PPFIA2: variants seen among roughly 807,000 people sequenced by gnomAD.
PPFIA2 encodes PPFI scaffold protein A2.
In PPFIA2, 46 loss-of-function variants were observed where a neutral mutation model predicts 175.5. The ratio of observed to expected loss-of-function variants is 0.26; its 90% CI spans 0.21 to 0.34. The LOEUF (loss-of-function observed/expected upper bound fraction) is 0.34. PPFIA2 is among the 10% of genes least tolerant of loss of function. The probability of loss-of-function intolerance (pLI) is 1.00; values close to 1 mark genes in which losing one functional copy is unlikely to be tolerated. For missense variants in PPFIA2, 1,179 were observed against 1,506.1 expected, an observed-to-expected ratio of 0.78 and a Z score of 3.60; for synonymous variants, 568 against 511.4, an observed-to-expected ratio of 1.11 and a Z score of -1.49.
intron 3 of PPFIA2, chr12:81,687,344 A>G (rs1008259377): frequency 1.3e-5 from 2 of 152,002 alleles, no homozygotes. Flanking sequence ...GCACTTCCTT[A>G]TTGTGACAAG....
Position 81,522,798 on chromosome 12 carries a change from T to C in PPFIA2, c.304-64932A>G, listed in dbSNP as rs78142896. Among the ~76,000 whole-genome samples, 463 of 152,320 alleles carry C rather than the reference T, an allele frequency of 3.0e-3. 6 individuals are homozygous for C. The highest frequency in any genetic ancestry group is 0.029 in the East Asian group (152 of 5,182). ...CTTGCTTTGACTGCAAAAACTTTAT[T>C]TAGAGTGCATCACTGTCCTATGATC... On this transcript the variant is annotated intron_variant, in intron 4 of 32. Transcript: ENST00000549396.
chr12:81,278,389 A>C (rs2041129689), intron 27 of PPFIA2, among the ~76,000 whole-genome samples: 1 of 151,930 alleles, frequency 6.6e-6, no homozygotes, highest in African/African-American at 2.4e-5. Flanking sequence ...AAAAGTACAA[A>C]AATTAGCTGG....
chr12:81,752,085 G>A (rs1348002573), intron 3 of PPFIA2, among the ~76,000 whole-genome samples: 1 of 152,184 alleles, frequency 6.6e-6, no homozygotes, highest in Non-Finnish European at 1.5e-5. Flanking sequence ...CTTCCAAGAA[G>A]AGTGGAAGGG....
At chr12:81,628,375 C>CTT (rs1194281160) in intron 4 of PPFIA2, among the ~76,000 whole-genome samples, 2 of 127,434 alleles carry the variant, frequency 1.6e-5, no homozygotes, top group African/African-American at 5.4e-5. Context: ...CTTTCTTTTA[C>CTT]CTTTTTTTTT....
intron 4 of PPFIA2, among the ~76,000 whole-genome samples, chr12:81,551,657 C>T (rs1255771395): frequency 6.6e-6 from 1 of 151,876 alleles, no homozygotes; most frequent in African/African-American, 2.4e-5. Context: ...GTAATCTATT[C>T]TTGAAATCTT....
At position 81,278,531 on chromosome 12, in the gene PPFIA2, C is replaced by T. The variant is rs537327371; in HGVS notation, c.3213-1117G>A. On this transcript the variant is annotated intron_variant, in intron 27 of 32. Coordinates refer to ENST00000549396, the MANE Select transcript of PPFIA2 (RefSeq NM_003625.5). Reference sequence around the variant, plus strand: ...CTCCACCCTGGGCAACAGAGTGAGACTCCATCTCCAAAAAAAAAAAAAAAG... The same window carrying T: ...CTCCACCCTGGGCAACAGAGTGAGATTCCATCTCCAAAAAAAAAAAAAAAG... 5.8e-5 allele frequency among the ~76,000 whole-genome samples: 6 copies of T among 104,276 alleles called. No homozygotes were observed. In the South Asian group the frequency reaches 2.0e-3, roughly 34 times the overall value. 68.4% of individuals were successfully genotyped at this position (104,276 alleles called of 152,430 possible). A position where few individuals can be genotyped will look rare whatever the true frequency, so the allele number is the denominator to read the frequency against.
At chr12:81,524,040 G>A (rs964755463) in intron 4 of PPFIA2, among the ~76,000 whole-genome samples, 2 of 152,124 alleles carry the variant, frequency 1.3e-5, no homozygotes, top group Non-Finnish European at 2.9e-5. Flanking sequence ...CACATTGTAT[G>A]ATGCCTCTGC....
At chr12:81,376,740 C>T (rs1187912494) in intron 9 of PPFIA2, among the ~76,000 whole-genome samples, 2 of 152,088 alleles carry the variant, frequency 1.3e-5, no homozygotes, top group Non-Finnish European at 2.9e-5. Flanking sequence ...AGAAGTGAGG[C>T]TCATTGGCCT....
intron 4 of PPFIA2, among the ~76,000 whole-genome samples, chr12:81,628,332 G>C (rs957163059): frequency 6.7e-6 from 1 of 149,208 alleles, no homozygotes; most frequent in East Asian, 2.0e-4. Context: ...AAAGAAGTTT[G>C]AGCCACATGA....
At chr12:81,483,915 T>G (rs1014248036) in intron 4 of PPFIA2, among the ~76,000 whole-genome samples, 1 of 151,976 alleles carries the variant, frequency 6.6e-6, no homozygotes, top group Non-Finnish European at 1.5e-5. Context: ...TTCTCCCCCC[T>G]CCCTTTTTTT....
intron 4 of PPFIA2, among the ~76,000 whole-genome samples, chr12:81,478,000 G>GTACC (rs2146546170): frequency 6.6e-6 from 1 of 152,106 alleles, no homozygotes; most frequent in Non-Finnish European, 1.5e-5. Context: ...GCTCCTCTTT[G>GTACC]TACCTCTGGT....
At chr12:81,264,520 A>G (rs1416468339) in intron 30 of PPFIA2, among the ~76,000 whole-genome samples, 1 of 152,066 alleles carries the variant, frequency 6.6e-6, no homozygotes, top group African/African-American at 2.4e-5. Context: ...GTATCCTAAT[A>G]TCTCATTTGA....
intron 4 of PPFIA2, among the ~76,000 whole-genome samples, chr12:81,624,427 T>C (rs915244455): frequency 1.4e-5 from 2 of 147,182 alleles, no homozygotes; most frequent in Non-Finnish European, 3.0e-5. Context: ...TATATACTTA[T>C]TATATACATA....
At chr12:81,650,510 T>G (rs573341098) in intron 4 of PPFIA2, among the ~76,000 whole-genome samples, 4 of 152,234 alleles carry the variant, frequency 2.6e-5, no homozygotes, top group African/African-American at 9.6e-5. Flanking sequence ...AAATCTACCA[T>G]GTATAGACTT....
intron 3 of PPFIA2, among the ~76,000 whole-genome samples, chr12:81,727,194 C>T (rs1038534822): frequency 6.6e-6 from 1 of 151,206 alleles, no homozygotes; most frequent in Non-Finnish European, 1.5e-5. Context: ...CATATCAAAT[C>T]AAAATAATGC....
intron 8 of PPFIA2, among the ~76,000 whole-genome samples, chr12:81,390,614 A>G (rs1380922966): frequency 1.3e-5 from 2 of 151,932 alleles, no homozygotes; most frequent in African/African-American, 4.8e-5. Flanking sequence ...CTTCATATTA[A>G]TTGATTTACA....
chr12:81,360,210 CAG>C (rs908214534), intron 15 of PPFIA2, among the ~76,000 whole-genome samples: 4 of 151,796 alleles, frequency 2.6e-5, no homozygotes, highest in Non-Finnish European at 5.9e-5. Context: ...CAGGAGAAAA[CAG>C]AGGCAATATT....
At chr12:81,723,038 C>T (rs914569472) in intron 3 of PPFIA2, among the ~76,000 whole-genome samples, 1 of 150,996 alleles carries the variant, frequency 6.6e-6, no homozygotes, top group Non-Finnish European at 1.5e-5. Flanking sequence ...AATTTAACCT[C>T]CTATGATCTG....
At chr12:81,658,975 T>C (rs188186977) in intron 4 of PPFIA2, among the ~76,000 whole-genome samples, 1 of 152,312 alleles carries the variant, frequency 6.6e-6, no homozygotes, top group African/African-American at 2.4e-5. Context: ...TATTAATATT[T>C]ATTTTGCATA....
Sources: gnomAD v4.1 joint callset for allele counts (sites outside exome capture counted in the v4.1 genomes callset) on GRCh38, gnomAD v4.1.1 for gene constraint, MANE v1.5 for transcripts, NCBI Gene and HGNC (gene_info 2026-07-23, HGNC 2026-07-21) for gene names.